The following GPM6A variants were observed in gnomAD, a reference collection of about 807,000 sequenced individuals.
The protein encoded by GPM6A is neuronal membrane glycoprotein M6-a.
Under a neutral mutation model 32.1 loss-of-function variants are expected in GPM6A, and 7 were observed. The observed-to-expected ratio is 0.22, with a 90% confidence interval of 0.12 to 0.41. GPM6A has a LOEUF of 0.41. Among genes scored for constraint, GPM6A ranks in the 10% least tolerant of loss-of-function variants. The pLI is 1.00. For synonymous variants in GPM6A, 130 were observed against 123.4 expected (o/e 1.05, Z -0.35); for missense variants, 235 against 347.2 (o/e 0.68, Z 2.57).
At chr4:175,815,936 C>T (rs1454416903), upstream of GPM6A, among the ~76,000 whole-genome samples, 1 of 152,002 alleles carries the variant, frequency 6.6e-6, no homozygotes, top group East Asian at 1.9e-4. Flanking sequence ...AGGCTGGTCT[C>T]GAACTCCCAA....
chr4:175,636,849 T>C (rs1740647673), intron 6 of GPM6A, among the ~76,000 whole-genome samples: 1 of 144,418 alleles, frequency 6.9e-6, no homozygotes, highest in African/African-American at 2.5e-5. Flanking sequence ...AATATATATT[T>C]TTATATTATA....
chr4:175,860,129 C>T (rs1288657625), intron 1 of GPM6A, among the ~76,000 whole-genome samples: 1 of 151,306 alleles, frequency 6.6e-6, no homozygotes, highest in Non-Finnish European at 1.5e-5. Flanking sequence ...AAGCTGTTGT[C>T]TTGAGACACT....
intron 1 of GPM6A, among the ~76,000 whole-genome samples, chr4:175,922,334 TCC>T (rs1738696531): frequency 6.6e-6 from 1 of 152,158 alleles, no homozygotes. Context: ...CAGCAATCAG[TCC>T]ACATTAATAG....
intron 5 of GPM6A, 31 bp downstream of exon 5, chr4:175,640,722 T>G (rs375723260): frequency 1.1e-5 from 15 of 1,381,348 alleles, no homozygotes; most frequent in Non-Finnish European, 1.5e-5. Flanking sequence ...GCTAAAATTC[T>G]GACAAAATTA....
chr4:175,714,305 G>A (rs1008256626), intron 1 of GPM6A, among the ~76,000 whole-genome samples: 1 of 152,182 alleles, frequency 6.6e-6, no homozygotes, highest in African/African-American at 2.4e-5. Flanking sequence ...AACATATACA[G>A]TTTATAACTA....
intron 1 of GPM6A, among the ~76,000 whole-genome samples, chr4:175,842,693 C>T (rs1031040676): frequency 6.6e-6 from 1 of 152,058 alleles, no homozygotes; most frequent in Non-Finnish European, 1.5e-5. Context: ...GAGTGAGATC[C>T]TGTGTCTAAA....
At chr4:175,729,354 G>A (rs1425391828) in intron 1 of GPM6A, among the ~76,000 whole-genome samples, 1 of 152,088 alleles carries the variant, frequency 6.6e-6, no homozygotes, top group East Asian at 1.9e-4. Context: ...CTCCCCGGTG[G>A]CAAGTACACA....
chr4:175,819,708 AC>A (rs1486044276), intron 1 of GPM6A, among the ~76,000 whole-genome samples: 2 of 152,212 alleles, frequency 1.3e-5, no homozygotes, highest in African/African-American at 4.8e-5. Flanking sequence ...CATTCTTTGA[AC>A]CACCTGGATA....
intron 1 of GPM6A, among the ~76,000 whole-genome samples, chr4:175,740,102 CAT>C (rs924282459): frequency 6.6e-6 from 1 of 151,946 alleles, no homozygotes; most frequent in African/African-American, 2.4e-5. Context: ...TATGAAGAAA[CAT>C]ATACTAAATT....
At chr4:175,857,828 C>T (rs1320877582) in intron 1 of GPM6A, among the ~76,000 whole-genome samples, 13 of 151,930 alleles carry the variant, frequency 8.6e-5, no homozygotes, top group African/African-American at 2.9e-4. Context: ...AGGATGTTTG[C>T]CTTTACCACG....
At chr4:175,663,293 T>C (rs544049589) in intron 3 of GPM6A, among the ~76,000 whole-genome samples, 1 of 152,328 alleles carries the variant, frequency 6.6e-6, no homozygotes, top group Admixed American at 6.5e-5. Flanking sequence ...GTAACCAAGA[T>C]GTTTCTCAGT....
At chr4:175,796,941 T>C (rs1413589941) in intron 1 of GPM6A, among the ~76,000 whole-genome samples, 2 of 151,986 alleles carry the variant, frequency 1.3e-5, no homozygotes, top group Non-Finnish European at 2.9e-5. Context: ...TTCTGATAAG[T>C]CCTGAATTGT....
At chr4:175,668,118 T>C (rs1742849442) in intron 3 of GPM6A, among the ~76,000 whole-genome samples, 1 of 152,136 alleles carries the variant, frequency 6.6e-6, no homozygotes, top group South Asian at 2.1e-4. Flanking sequence ...AACTTTTACA[T>C]TAGACATCAG....
intron 1 of GPM6A, among the ~76,000 whole-genome samples, chr4:175,725,107 G>A (rs1018391711): frequency 1.1e-4 from 16 of 151,870 alleles, no homozygotes; most frequent in Admixed American, 6.6e-5. Context: ...TGTAAACTCC[G>A]GATTCTCATT....
intron 1 of GPM6A, among the ~76,000 whole-genome samples, chr4:175,973,548 G>A (rs1038923178): frequency 6.6e-6 from 1 of 152,076 alleles, no homozygotes; most frequent in Non-Finnish European, 1.5e-5. Flanking sequence ...TGAGATCTTG[G>A]GACAGGATGA....
At chr4:175,731,268 TCC>T (rs1731418935) in intron 1 of GPM6A, among the ~76,000 whole-genome samples, 2 of 151,906 alleles carry the variant, frequency 1.3e-5, no homozygotes, top group African/African-American at 4.8e-5. Flanking sequence ...ATCCTTGAGG[TCC>T]TCCCTGATGC....
chr4:175,748,117 T>C (rs1732180655), intron 1 of GPM6A, among the ~76,000 whole-genome samples: 1 of 152,180 alleles, frequency 6.6e-6, no homozygotes, highest in Non-Finnish European at 1.5e-5. Context: ...CCTCTATATC[T>C]GCAGTTACTT....
chr4:175,708,304 G>A (rs919872962), intron 1 of GPM6A, among the ~76,000 whole-genome samples: 2 of 152,134 alleles, frequency 1.3e-5, no homozygotes, highest in Non-Finnish European at 2.9e-5. Flanking sequence ...GATGACATTT[G>A]TGAAATGGTC....
At chr4:175,891,544 C>T (rs1027841116) in intron 1 of GPM6A, 15 of 152,214 alleles carry the variant, frequency 9.9e-5, no homozygotes, top group African/African-American at 3.6e-4. Context: ...GATGTGCATT[C>T]TCCATCATCG....
Sources: allele counts gnomAD v4.1 joint callset (sites outside exome capture counted in the v4.1 genomes callset), GRCh38; gene constraint gnomAD v4.1.1; transcripts MANE v1.5; gene names NCBI Gene and HGNC (gene_info 2026-07-23, HGNC 2026-07-21).